GRM8: variants seen among roughly 807,000 people sequenced by gnomAD.
The protein encoded by GRM8 is metabotropic glutamate receptor 8.
In GRM8, 47 loss-of-function variants were observed where a neutral mutation model predicts 87.2. That is an observed-to-expected ratio of 0.54 (90% CI 0.43 to 0.69). GRM8 has a LOEUF of 0.69. Among genes scored for constraint, GRM8 ranks in the 30% least tolerant of loss-of-function variants. The pLI, the probability that GRM8 is intolerant of heterozygous loss-of-function variation, is 0.00. For missense variants in GRM8, 1,019 were observed against 1,139.2 expected, an observed-to-expected ratio of 0.89 and a Z score of 1.52; for synonymous variants, 396 against 404.5, an observed-to-expected ratio of 0.98 and a Z score of 0.25.
At chr7:127,191,750 A>T (rs1009004603) in intron 2 of GRM8, among the ~76,000 whole-genome samples, 1 of 152,182 alleles carries the variant, frequency 6.6e-6, no homozygotes, top group Non-Finnish European at 1.5e-5. Flanking sequence ...CAAGAGGACA[A>T]ATTTCTCATA....
At chr7:126,600,979 G>A (rs1253546830) in intron 8 of GRM8, among the ~76,000 whole-genome samples, 5 of 151,518 alleles carry the variant, frequency 3.3e-5, no homozygotes, top group Admixed American at 3.3e-4. Flanking sequence ...TGTGCACATT[G>A]TGCAGGTTAG....
At chr7:127,155,573 G>C (rs1369333039) in intron 2 of GRM8, among the ~76,000 whole-genome samples, 1 of 152,090 alleles carries the variant, frequency 6.6e-6, no homozygotes, top group Non-Finnish European at 1.5e-5. Context: ...AGTGGACTGA[G>C]GTGGATATGT....
chr7:126,907,449 GA>G (rs1802832488), intron 3 of GRM8, among the ~76,000 whole-genome samples: 3 of 152,038 alleles, frequency 2.0e-5, no homozygotes, highest in Non-Finnish European at 4.4e-5. Flanking sequence ...TTAGATTGAG[GA>G]CTGCTCAGGG....
At chr7:126,957,581 G>A (rs1276132005) in intron 3 of GRM8, among the ~76,000 whole-genome samples, 1 of 152,212 alleles carries the variant, frequency 6.6e-6, no homozygotes, top group Non-Finnish European at 1.5e-5. Context: ...GAGTAAAGTT[G>A]CAGCTGAGCC....
At position 126,441,576 on chromosome 7, in the gene GRM8, ATG is replaced by A. The variant is rs201383520; in HGVS notation, c.2678-2410_2678-2409del. Among the ~76,000 whole-genome samples the A allele has an allele frequency of 8.8e-3, 1,339 of 152,216 alleles. 18 individuals are homozygous for A. Among genetic ancestry groups the A allele is most frequent in the Non-Finnish European group, 0.011 (740 of 67,976 alleles). ...AGATACTTTAAAAAGCAAAGAATGT[ATG>A]TGTTTCAATATATGAATCCAATTCA... is the stretch of plus-strand genomic sequence containing the variant. On this transcript the variant is annotated intron_variant, in intron 10 of 10. Coordinates refer to ENST00000339582, the MANE Select transcript of GRM8 (RefSeq NM_000845.3).
At chr7:126,902,944 G>A (rs866328370) in intron 5 of GRM8, among the ~76,000 whole-genome samples, 8 of 152,066 alleles carry the variant, frequency 5.3e-5, no homozygotes, top group South Asian at 2.1e-4. Flanking sequence ...TGGTGTCAGC[G>A]ACCTTCTTAA....
At chr7:126,605,253 G>T (rs1052347326) in intron 8 of GRM8, among the ~76,000 whole-genome samples, 1 of 152,098 alleles carries the variant, frequency 6.6e-6, no homozygotes, top group Non-Finnish European at 1.5e-5. Flanking sequence ...TCTCTTGAGA[G>T]ATTCTGCCTA....
intron 3 of GRM8, among the ~76,000 whole-genome samples, chr7:127,027,665 T>G (rs1208536152): frequency 3.3e-5 from 5 of 152,212 alleles, no homozygotes; most frequent in Non-Finnish European, 7.3e-5. Flanking sequence ...TGCTTGTGAT[T>G]TTTGCACATT....
chr7:127,118,861 G>T lies in GRM8; in HGVS notation c.511-12149C>A, dbSNP rs147030764. Among the ~76,000 whole-genome samples the T allele has an allele frequency of 1.7e-3, 256 of 152,256 alleles. 2 individuals are homozygous for T. Among genetic ancestry groups the T allele is most frequent in the African/African-American group, 6.0e-3 (248 of 41,556 alleles). On this transcript the variant is annotated intron_variant, in intron 2 of 10. Transcript: ENST00000339582. ...CTGTTCACATCTACAACTCCTTTAT[G>T]GTTGTAAGTCATGGCTTGGCTGGAG...
chr7:126,750,386 G>GCAGTC (rs1254644531), intron 7 of GRM8, among the ~76,000 whole-genome samples: 1 of 152,026 alleles, frequency 6.6e-6, no homozygotes, highest in Non-Finnish European at 1.5e-5. Flanking sequence ...AATCATAACT[G>GCAGTC]CAGTGGTGGT....
intron 6 of GRM8, among the ~76,000 whole-genome samples, chr7:126,885,203 A>G (rs13311970): frequency 1.0e-3 from 153 of 152,314 alleles, no homozygotes; most frequent in African/African-American, 3.6e-3. Flanking sequence ...GTCCTTATCC[A>G]TGAATGATGG....
At chr7:127,048,437 CA>C (rs1819153134) in intron 3 of GRM8, among the ~76,000 whole-genome samples, 1 of 152,200 alleles carries the variant, frequency 6.6e-6, no homozygotes, top group Non-Finnish European at 1.5e-5. Context: ...AGATTTTAAA[CA>C]GAGGAATAAG....
chr7:126,590,976 TAA>T (rs537329610), intron 8 of GRM8, among the ~76,000 whole-genome samples: 118 of 151,606 alleles, frequency 7.8e-4, no homozygotes, highest in Admixed American at 3.5e-3. Flanking sequence ...ATTTTTTTTT[TAA>T]AAAAAGGTAT....
chr7:126,840,017 A>AT (rs1174316681), intron 6 of GRM8, among the ~76,000 whole-genome samples: 1 of 152,102 alleles, frequency 6.6e-6, no homozygotes, highest in Non-Finnish European at 1.5e-5. Context: ...TATGGGTGAA[A>AT]TTTTTTTAAT....
At chr7:126,468,021 T>C (rs1290502197) in intron 9 of GRM8, among the ~76,000 whole-genome samples, 4 of 152,046 alleles carry the variant, frequency 2.6e-5, no homozygotes, top group African/African-American at 4.8e-5. Context: ...AAACCTTTTA[T>C]AACGATATCA....
At chr7:126,770,281 T>C (rs1033136775) in intron 6 of GRM8, among the ~76,000 whole-genome samples, 6 of 151,998 alleles carry the variant, frequency 3.9e-5, no homozygotes, top group Non-Finnish European at 7.4e-5. Flanking sequence ...CAAAAAGATA[T>C]AAAGTAAATA....
intron 9 of GRM8, among the ~76,000 whole-genome samples, chr7:126,526,868 C>T (rs1813926157): frequency 6.6e-6 from 1 of 152,146 alleles, no homozygotes; most frequent in Non-Finnish European, 1.5e-5. Context: ...AAATTAAGAG[C>T]ATAAATGAGG....
At chr7:126,768,815 A>G (rs1315662065) in intron 7 of GRM8, among the ~76,000 whole-genome samples, 1 of 151,912 alleles carries the variant, frequency 6.6e-6, no homozygotes, top group Non-Finnish European at 1.5e-5. Flanking sequence ...TAGTGTTCAT[A>G]TTCCCAACAA....
At chr7:126,768,346 C>T (rs1489824756) in intron 7 of GRM8, among the ~76,000 whole-genome samples, 1 of 61,614 alleles carries the variant, frequency 1.6e-5, no homozygotes, top group East Asian at 7.5e-4. Context: ...AGCAGCAACA[C>T]TTTGATAATG....
Sources: allele counts gnomAD v4.1 joint callset (sites outside exome capture counted in the v4.1 genomes callset), GRCh38; gene constraint gnomAD v4.1.1; transcripts MANE v1.5; gene names NCBI Gene and HGNC (gene_info 2026-07-23, HGNC 2026-07-21).